Variants in PTPRS observed in about 807,000 individuals in gnomAD.
PTPRS encodes protein tyrosine phosphatase receptor type S, also known as receptor-type tyrosine-protein phosphatase S.
A neutral mutation model predicts 215.3 loss-of-function variants in PTPRS; 63 were observed. The ratio of observed to expected loss-of-function variants is 0.29; its 90% CI spans 0.24 to 0.36. The LOEUF is 0.36. PTPRS is among the 10% of genes least tolerant of loss of function. The pLI, the probability that PTPRS is intolerant of heterozygous loss-of-function variation, is 1.00. For synonymous variants in PTPRS, 1,404 were observed against 1,191.4 expected (o/e 1.18, Z -3.68); for missense variants, 2,258 against 2,825.8 (o/e 0.80, Z 4.56).
intron 1 of PTPRS, among the ~76,000 whole-genome samples, chr19:5,337,050 G>T (rs991972287): frequency 4.6e-5 from 7 of 152,182 alleles, no homozygotes; most frequent in Non-Finnish European, 7.3e-5. Flanking sequence ...GACCCTCCCA[G>T]AAGGGGGCTA....
At chr19:5,325,950 G>A (rs1336183226) in intron 1 of PTPRS, among the ~76,000 whole-genome samples, 6 of 152,228 alleles carry the variant, frequency 3.9e-5, no homozygotes, top group African/African-American at 1.4e-4. Flanking sequence ...ATAACACTGG[G>A]ACAGGCATGG....
At chr19:5,214,230 G>T (rs2041203509) in intron 30 of PTPRS, 131 bp downstream of exon 30, 15 of 1,314,698 alleles carry the variant, frequency 1.1e-5, no homozygotes, top group South Asian at 9.9e-5. Flanking sequence ...TGAGAATGTA[G>T]TCAGCCTGGG....
Position 5,210,721 on chromosome 19 carries a change from C to T in PTPRS, c.5319G>A (p.Ser1773=), listed in dbSNP as rs1445335545. 11 of 1,614,200 alleles carry T rather than the reference C, an allele frequency of 6.8e-6. 1 individual carries two copies. The highest frequency in any genetic ancestry group is 2.2e-5 in the South Asian group (2 of 91,088). Residue 1773 remains serine, a synonymous_variant, in exon 34 of 38, where the codon TCG becomes TCA. Transcript: ENST00000262963. This position sits in a 1 kb window ranked among gnomAD's most constrained non-coding sequence, Gnocchi z 4.5. The stretch of plus-strand genomic sequence containing the variant: ...GCTTGGTCAGCATCACCACGATCGT[C>T]GAATTGTTCTCCCACAGCATGCGCC... ...DFWRMLWENN[S]TIVVMLTKLR...
At chr19:5,242,340 T>G (rs2044111932) in intron 11 of PTPRS, among the ~76,000 whole-genome samples, 1 of 152,162 alleles carries the variant, frequency 6.6e-6, no homozygotes, top group Non-Finnish European at 1.5e-5. Context: ...CAAATCAGAT[T>G]TTTTAAAGGG....
At position 5,287,606 on chromosome 19, in the gene PTPRS, G is replaced by A. The variant is rs1032663020; in HGVS notation, c.-94-1372C>T. ...GGGCGGGTCCAGGCCGTGACCACAG[G>A]AACTGGTGGCGCATAATAACGGGGC... On this transcript the variant is annotated intron_variant, in intron 1 of 37. Coordinates refer to ENST00000262963, the MANE Select transcript of PTPRS (RefSeq NM_002850.4). The surrounding 1 kb of genome is among the most constrained non-coding windows in gnomAD (Gnocchi z 4.8). Among the ~76,000 whole-genome samples, 1 of 152,140 alleles carries A rather than the reference G, an allele frequency of 6.6e-6. No individual in the cohort carries two copies. The highest frequency in any genetic ancestry group is 2.4e-5 in the African/African-American group (1 of 41,438).
intron 7 of PTPRS, 55 bp downstream of exon 7, chr19:5,260,750 C>T: frequency 6.2e-7 from 1 of 1,606,684 alleles, no homozygotes; most frequent in South Asian, 1.1e-5. Context: ...GCCTGAGGGG[C>T]TGAGTGGGCA....
At chr19:5,292,795 G>A (rs889731071) in intron 1 of PTPRS, 1 of 152,288 alleles carries the variant, frequency 6.6e-6, no homozygotes, top group Admixed American at 6.5e-5. Context: ...CAGCTCCCCC[G>A]GGCTGGCAGC....
At chr19:5,260,768 C>G (rs1350722377) in intron 7 of PTPRS, 37 bp downstream of exon 7, 1 of 1,612,772 alleles carries the variant, frequency 6.2e-7, no homozygotes, top group Non-Finnish European at 8.5e-7. Context: ...GCAGCAAGAG[C>G]GAGCGTGAGT....
In PTPRS at chr19:5,244,584, T is replaced by A; in HGVS notation, c.989-102A>T. 1 of 956,298 alleles carries A rather than the reference T, an allele frequency of 1.0e-6. No homozygotes were observed. Among genetic ancestry groups the A allele is most frequent in the African/African-American group, 1.6e-5 (1 of 61,146 alleles). 59.2% of individuals were successfully genotyped at this position (956,298 alleles called of 1,614,324 possible). On this transcript the variant is annotated intron_variant, in intron 10 of 37. Transcript: ENST00000262963. This position sits in a 1 kb window ranked among gnomAD's most constrained non-coding sequence, Gnocchi z 7.2. ...TTCAGTCGCCTTCTCTGAGCCTTGA[T>A]TTGCCCAGCAGTAATCATGGGCCTC...
Position 5,244,282 on chromosome 19 carries a change from C to T in PTPRS, c.1189G>A (p.Glu397Lys). Reference sequence around the variant, plus strand: ...ACGGCCGACACCCAGATCTCGTACTCCGAGTTGGGGCTCAGGCCGCCGATG... The same window carrying T: ...ACGGCCGACACCCAGATCTCGTACTTCGAGTTGGGGCTCAGGCCGCCGATG... ...YSIGGLSPNS[E>K]YEIWVSAVNS... is the part of the protein sequence containing the mutation. Residue 397 changes from glutamate to lysine, a missense_variant, in exon 11 of 38, where the codon GAG (glutamate) becomes AAG (lysine). By Grantham distance (56) the Glu-to-Lys change is moderately conservative. This residue lies in a region of PTPRS where 508 missense variants were observed against 799.4 expected (regional missense o/e 0.64). Transcript: ENST00000262963. This position sits in a 1 kb window ranked among gnomAD's most constrained non-coding sequence, Gnocchi z 7.2. 6.2e-7 allele frequency: 1 copy of T among 1,614,236 alleles called. No homozygotes were observed. The highest frequency in any genetic ancestry group is 8.5e-7 in the Non-Finnish European group (1 of 1,180,034).
At chr19:5,314,787 C>T (rs1002707410) in intron 1 of PTPRS, among the ~76,000 whole-genome samples, 6 of 149,326 alleles carry the variant, frequency 4.0e-5, no homozygotes, top group Non-Finnish European at 8.9e-5. Flanking sequence ...GCTGAAGATT[C>T]GAGACATCAC....
rs775183488 is a variant in PTPRS, at chr19:5,218,814, G to C, written c.3924-16C>G. The C allele has an allele frequency of 2.9e-5, 46 of 1,599,096 alleles. No individual in the cohort carries two copies. The highest frequency in any genetic ancestry group is 1.7e-4 in the Middle Eastern group (1 of 6,004). The stretch of plus-strand genomic sequence containing the variant: ...GTCGGGTTTGCTGTTCCCGAAAGCA[G>C]ACACAGGTGAGAAGGGGGAAAAAAA... On this transcript the variant is annotated splice_polypyrimidine_tract_variant and intron_variant, in intron 23 of 37. Coordinates refer to ENST00000262963, the MANE Select transcript of PTPRS (RefSeq NM_002850.4).
chr19:5,331,268 C>A (rs993021830), intron 1 of PTPRS, among the ~76,000 whole-genome samples: 8 of 151,700 alleles, frequency 5.3e-5, no homozygotes, highest in Admixed American at 2.0e-4. Flanking sequence ...GTAGCTGGGA[C>A]CGTACGTGTG....
intron 32 of PTPRS, 24 bp downstream of exon 32, chr19:5,211,941 C>G: frequency 6.4e-7 from 1 of 1,564,032 alleles, no homozygotes; most frequent in Non-Finnish European, 8.6e-7. Flanking sequence ...ACCCCGCCCA[C>G]AGCAGCCTCC....
At chr19:5,303,604 G>A (rs1466929593) in intron 1 of PTPRS, among the ~76,000 whole-genome samples, 2 of 151,952 alleles carry the variant, frequency 1.3e-5, no homozygotes, top group African/African-American at 4.8e-5. Flanking sequence ...GTGCAGAGAG[G>A]GGGGCTGGTC....
At chr19:5,309,144 A>AGAAGGGAG (rs1481554991) in intron 1 of PTPRS, among the ~76,000 whole-genome samples, 5 of 151,986 alleles carry the variant, frequency 3.3e-5, no homozygotes, top group Non-Finnish European at 7.4e-5. Context: ...GGGTGGAGAG[A>AGAAGGGAG]GAAGGGAGGA....
chr19:5,331,589 C>A (rs1324206727), intron 1 of PTPRS, among the ~76,000 whole-genome samples: 6 of 152,132 alleles, frequency 3.9e-5, no homozygotes, highest in Admixed American at 2.0e-4. Flanking sequence ...CCAAAAATGT[C>A]CCCAGACGTT....
intron 1 of PTPRS, among the ~76,000 whole-genome samples, chr19:5,289,598 C>T (rs1017496272): frequency 2.0e-5 from 3 of 152,320 alleles, no homozygotes; most frequent in South Asian, 4.1e-4. Flanking sequence ...TTCTCCCCCT[C>T]CTCCCTCTGC....
intron 1 of PTPRS, among the ~76,000 whole-genome samples, chr19:5,337,038 G>A (rs544580495): frequency 2.6e-4 from 39 of 152,274 alleles, no homozygotes; most frequent in African/African-American, 8.4e-4. Context: ...CAGAAAGTAC[G>A]AGACCCTCCC....
Sources: allele counts gnomAD v4.1 joint callset (sites outside exome capture counted in the v4.1 genomes callset), GRCh38; gene constraint gnomAD v4.1.1; regional missense constraint gnomAD v4.1.1; non-coding constraint Gnocchi (gnomAD v3.1); transcripts MANE v1.5; gene names NCBI Gene and HGNC (gene_info 2026-07-23, HGNC 2026-07-21).